The following TNKS2 variants were observed in gnomAD, a reference collection of about 807,000 sequenced individuals.
The protein encoded by TNKS2 is tankyrase 2.
Under a neutral mutation model 137.6 loss-of-function variants are expected in TNKS2, and 72 were observed. That is an observed-to-expected ratio of 0.52 (90% confidence interval 0.43 to 0.64). The LOEUF (loss-of-function observed/expected upper bound fraction) is 0.64. Among genes scored for constraint, TNKS2 ranks in the 30% least tolerant of loss-of-function variants. The probability of loss-of-function intolerance (pLI) is 0.00; values close to 1 mark genes in which losing one functional copy is unlikely to be tolerated. For missense variants in TNKS2, 1,049 were observed against 1,410.2 expected, an observed-to-expected ratio of 0.74 and a Z score of 4.10; for synonymous variants, 516 against 512.1, an observed-to-expected ratio of 1.01 and a Z score of -0.10.
In TNKS2 at chr10:91,841,351, A is replaced by G; in HGVS notation, c.1742A>G (p.His581Arg). Residue 581 changes from histidine (H) to arginine (R), a missense_variant, in exon 15 of 27, where the codon CAT (histidine) becomes CGT (arginine). Coordinates refer to ENST00000371627, the MANE Select transcript of TNKS2 (RefSeq NM_025235.4). Reference sequence around the variant, plus strand: ...GAAGTTGCAGAACTTCTTGTTAAACATGGAGCAGTAGTTAATGTAGCTGAT... The same window carrying G: ...GAAGTTGCAGAACTTCTTGTTAAACGTGGAGCAGTAGTTAATGTAGCTGAT... ...HYEVAELLVKHGAVVNVADLW... is the reference protein window; with the variant it reads ...HYEVAELLVKRGAVVNVADLW... 6.2e-7 allele frequency: 1 copy of G among 1,608,376 alleles called. No homozygotes were observed. Among genetic ancestry groups the G allele is most frequent in the Non-Finnish European group, 8.5e-7 (1 of 1,177,364 alleles).
At chr10:91,823,257 T>C (rs1224500620) in intron 7 of TNKS2, among the ~76,000 whole-genome samples, 2 of 152,028 alleles carry the variant, frequency 1.3e-5, no homozygotes, top group Non-Finnish European at 2.9e-5. Flanking sequence ...GCTCAACAGC[T>C]GTTTAACAAA....
chr10:91,805,783 T>A (rs1453041994), intron 1 of TNKS2, among the ~76,000 whole-genome samples: 2 of 152,250 alleles, frequency 1.3e-5, no homozygotes, highest in African/African-American at 2.4e-5. Flanking sequence ...GGTTTTTCTT[T>A]ATTTTGATTC....
intron 1 of TNKS2, among the ~76,000 whole-genome samples, chr10:91,810,897 C>CTTTTCTTTG (rs1554834493): frequency 1.7e-5 from 2 of 117,728 alleles, no homozygotes; most frequent in South Asian, 5.9e-4. Flanking sequence ...TTTCTTTTTT[C>CTTTTCTTTG]TTTTCTTTCT....
rs1026545357 is a variant in TNKS2, at chr10:91,864,289, G to A, written c.*1290G>A. On this transcript the variant is annotated 3_prime_UTR_variant, in exon 27 of 27. Coordinates refer to ENST00000371627, the MANE Select transcript of TNKS2 (RefSeq NM_025235.4). Reference sequence around the variant, plus strand: ...TGTGCTCAGTTTGGCAGCTATAGAAGGAAATGCTGTCCCATAAAATGCCAT... The same window carrying A: ...TGTGCTCAGTTTGGCAGCTATAGAAAGAAATGCTGTCCCATAAAATGCCAT... 2.6e-5 allele frequency: 4 copies of A among 152,574 alleles called. No individual in the cohort carries two copies. Among genetic ancestry groups the A allele is most frequent in the Non-Finnish European group, 4.4e-5 (3 of 68,030 alleles). 9.5% of individuals were successfully genotyped at this position (152,574 alleles called of 1,614,324 possible).
intron 9 of TNKS2, among the ~76,000 whole-genome samples, chr10:91,830,656 A>G (rs1306599911): frequency 6.6e-6 from 1 of 152,234 alleles, no homozygotes; most frequent in Admixed American, 6.5e-5. Flanking sequence ...TTTTCATCAC[A>G]CCAGTGCTAG....
intron 1 of TNKS2, among the ~76,000 whole-genome samples, chr10:91,803,518 C>T (rs1329672379): frequency 6.6e-6 from 1 of 152,192 alleles, no homozygotes; most frequent in Non-Finnish European, 1.5e-5. Context: ...TGGTGCAGGC[C>T]TGTAGTCCTA....
chr10:91,835,588 CTTTCTT>C (rs1206779226), intron 12 of TNKS2, among the ~76,000 whole-genome samples: 1 of 91,218 alleles, frequency 1.1e-5, no homozygotes, highest in East Asian at 3.9e-4. Context: ...CATGCCCGGC[CTTTCTT>C]TTTTTTTTTT....
At chr10:91,855,784 G>C in intron 23 of TNKS2, 96 bp downstream of exon 23, 1 of 826,104 alleles carries the variant, frequency 1.2e-6, no homozygotes, top group Non-Finnish European at 1.9e-6. Flanking sequence ...GTCTAGCCTG[G>C]TAAGTCCTTG....
At chr10:91,830,263 G>A (rs180908556) in intron 9 of TNKS2, among the ~76,000 whole-genome samples, 2 of 152,242 alleles carry the variant, frequency 1.3e-5, no homozygotes, top group East Asian at 1.9e-4. Context: ...TGTCGCCCAC[G>A]CTAGAGTGCA....
chr10:91,851,105 T>G, intron 20 of TNKS2, 111 bp from the exon 21 acceptor site: 1 of 1,357,486 alleles, frequency 7.4e-7, no homozygotes, highest in South Asian at 1.4e-5. Flanking sequence ...TTTAGAAATG[T>G]TTAAAATAAT....
chr10:91,825,600 G>A (rs1845042609), intron 7 of TNKS2, among the ~76,000 whole-genome samples: 1 of 152,182 alleles, frequency 6.6e-6, no homozygotes, highest in South Asian at 2.1e-4. Flanking sequence ...AAGTTCTCTA[G>A]TAATTATAAA....
intron 13 of TNKS2, among the ~76,000 whole-genome samples, chr10:91,838,041 T>A (rs1192688808): frequency 6.2e-5 from 9 of 144,784 alleles, no homozygotes; most frequent in Admixed American, 2.7e-4. Context: ...AGCTGATTTT[T>A]TTTTTTTTTT....
rs556406415 is a variant in TNKS2 at position 91,852,406 on chromosome 10, A to C, written c.2815+1070A>C. Among the ~76,000 whole-genome samples the C allele has an allele frequency of 4.2e-3, 630 of 150,082 alleles. 6 individuals are homozygous for C. The highest frequency in any genetic ancestry group is 0.015 in the African/African-American group (603 of 40,722). The stretch of plus-strand genomic sequence containing the variant: ...CCCCATCTGTACTAAAAATACAAAA[A>C]AAAATTAGCCAGGCGTGGTGGCGGG... On this transcript the variant is annotated intron_variant, in intron 21 of 26. Coordinates refer to ENST00000371627, the MANE Select transcript of TNKS2 (RefSeq NM_025235.4).
chr10:91,819,308 T>A lies in TNKS2; in HGVS notation c.557+2T>A. 6.8e-7 allele frequency: 1 copy of A among 1,477,952 alleles called. No homozygotes were observed. Among genetic ancestry groups the A allele is most frequent in the Non-Finnish European group, 9.0e-7 (1 of 1,110,568 alleles). 91.6% of individuals were successfully genotyped at this position (1,477,952 alleles called of 1,614,324 possible). A position where few individuals can be genotyped will look rare whatever the true frequency, so the allele number is the denominator to read the frequency against. On this transcript the variant is annotated splice_donor_variant, in intron 4 of 26. Transcript: ENST00000371627. LOFTEE classifies it high-confidence loss of function. Reference sequence around the variant, plus strand: ...AGATGAACTCTTAGAAAGTGCCAGGTACGTACTAATGTTATAAATATGTGA... The same window carrying A: ...AGATGAACTCTTAGAAAGTGCCAGGAACGTACTAATGTTATAAATATGTGA...
chr10:91,857,765 A>T (rs1041210511), intron 24 of TNKS2, among the ~76,000 whole-genome samples: 1 of 152,200 alleles, frequency 6.6e-6, no homozygotes, highest in Non-Finnish European at 1.5e-5. Flanking sequence ...AGTGTTGACT[A>T]TCTTTTCCTT....
At chr10:91,841,528 G>T in intron 15 of TNKS2, 80 bp downstream of exon 15, 1 of 1,190,180 alleles carries the variant, frequency 8.4e-7, no homozygotes, top group Non-Finnish European at 1.1e-6. Flanking sequence ...CTAGTATAAA[G>T]TTAAACTAGT....
intron 11 of TNKS2, among the ~76,000 whole-genome samples, chr10:91,833,546 A>C (rs1008765647): frequency 6.6e-6 from 1 of 152,166 alleles, no homozygotes; most frequent in Non-Finnish European, 1.5e-5. Flanking sequence ...GAGATCCATA[A>C]AAATAGATGA....
At position 91,844,959 on chromosome 10, in the gene TNKS2, A is replaced by T; in HGVS notation, c.2100A>T (p.Gln700His). ...TAGAAGTTGCAGAGTATTTGTTACA[A>T]CACGGAGCTGATGTGAATGCCCAAG... is the stretch of plus-strand genomic sequence containing the variant. ...NNLEVAEYLL[Q>H]HGADVNAQDK... The change falls in exon 17 of 27, where the codon CAA (glutamine) becomes CAT (histidine). Residue 700 changes from glutamine (Q) to histidine (H), a missense_variant. Around this residue, in one of 6 missense-constraint regions of TNKS2, gnomAD observed 328 missense variants for 436.0 expected, o/e 0.75. Coordinates refer to ENST00000371627, the MANE Select transcript of TNKS2 (RefSeq NM_025235.4). 5 of 1,613,548 alleles carry T rather than the reference A, an allele frequency of 3.1e-6. No individual in the cohort carries two copies. The highest frequency in any genetic ancestry group is 4.2e-6 in the Non-Finnish European group (5 of 1,179,672).
Position 91,864,636 on chromosome 10 carries a change from G to A in TNKS2, c.*1637G>A, listed in dbSNP as rs551058925. ...GCATTTCTGGAGTTGTTTCTGTGAT[G>A]TAAATTATGATCATTATTTAAGAAG... On this transcript the variant is annotated 3_prime_UTR_variant, in exon 27 of 27. Coordinates refer to ENST00000371627, the MANE Select transcript of TNKS2 (RefSeq NM_025235.4). The A allele has an allele frequency of 1.3e-5, 2 of 152,722 alleles. No individual in the cohort carries two copies. Among genetic ancestry groups the A allele is most frequent in the East Asian group, 3.9e-4 (2 of 5,188 alleles). The allele number at this position is 152,722 out of a possible 1,614,324, so 9.5% of individuals were successfully genotyped here.
Sources: gnomAD v4.1 joint callset for allele counts (sites outside exome capture counted in the v4.1 genomes callset) on GRCh38, gnomAD v4.1.1 for gene constraint, gnomAD v4.1.1 regional missense constraint, MANE v1.5 for transcripts, NCBI Gene and HGNC (gene_info 2026-07-23, HGNC 2026-07-21) for gene names.